The following FUT8 variants were observed in gnomAD, a reference collection of about 807,000 sequenced individuals.
The protein encoded by FUT8 is fucosyltransferase 8.
A neutral mutation model predicts 71.3 loss-of-function variants in FUT8; 29 were observed. That is an observed-to-expected ratio of 0.41 (90% CI 0.30 to 0.55). The LOEUF is 0.55. FUT8 is among the 20% of genes least tolerant of loss of function. FUT8 has a pLI of 0.34. For synonymous variants in FUT8, 254 were observed against 239.3 expected, an observed-to-expected ratio of 1.06 and a Z score of -0.57; for missense variants, 544 against 702.1, an observed-to-expected ratio of 0.77 and a Z score of 2.55.
intron 10 of FUT8, among the ~76,000 whole-genome samples, chr14:65,737,733 G>A (rs774596141): frequency 1.3e-5 from 2 of 152,072 alleles, no homozygotes; most frequent in Non-Finnish European, 2.9e-5. Flanking sequence ...ATGTTACTCT[G>A]TAGTTTCAGC....
intron 3 of FUT8, among the ~76,000 whole-genome samples, chr14:65,612,427 C>A (rs1368703007): frequency 6.6e-6 from 1 of 152,154 alleles, no homozygotes; most frequent in African/African-American, 2.4e-5. Flanking sequence ...CTGTTTCTAC[C>A]TAATCTGTAT....
intron 3 of FUT8, among the ~76,000 whole-genome samples, chr14:65,569,387 A>G (rs1476917108): frequency 2.6e-5 from 4 of 151,564 alleles, no homozygotes; most frequent in Admixed American, 6.6e-5. Flanking sequence ...ACATGGCTTT[A>G]TGTGTCTTTC....
chr14:65,554,641 T>C (rs1285953582), intron 2 of FUT8, among the ~76,000 whole-genome samples: 1 of 151,980 alleles, frequency 6.6e-6, no homozygotes, highest in Non-Finnish European at 1.5e-5. Flanking sequence ...GTTGGATTTG[T>C]TTTTTTGTTG....
intron 2 of FUT8, among the ~76,000 whole-genome samples, chr14:65,547,923 C>T (rs1885065747): frequency 6.6e-6 from 1 of 151,890 alleles, no homozygotes; most frequent in Non-Finnish European, 1.5e-5. Flanking sequence ...CATGGTGTCC[C>T]TGCCCTGTTC....
chr14:65,724,076 G>A, intron 8 of FUT8, 71 bp from the exon 9 acceptor site: 2 of 1,125,050 alleles, frequency 1.8e-6, no homozygotes, highest in African/African-American at 1.6e-5. Flanking sequence ...CATAAGTAGG[G>A]GTATAAATTG....
At chr14:65,364,874 C>G in the FUT8 span, among the ~76,000 whole-genome samples, 1 of 152,132 alleles carries the variant, frequency 6.6e-6, no homozygotes, top group African/African-American at 2.4e-5. Flanking sequence ...TCACATCATT[C>G]CTGGGCCACA....
At chr14:65,714,329 T>C (rs971683163) in intron 7 of FUT8, among the ~76,000 whole-genome samples, 3 of 152,190 alleles carry the variant, frequency 2.0e-5, no homozygotes, top group East Asian at 1.9e-4. Flanking sequence ...CATAGTATAA[T>C]TTGAAGTCAG....
intron 3 of FUT8, among the ~76,000 whole-genome samples, chr14:65,608,063 C>CAA (rs35942953): frequency 0.19 from 20,373 of 108,194 alleles, 2,308 homozygotes; most frequent in East Asian, 0.35. Context: ...GACTCCGTCT[C>CAA]AAAAAAAAAA....
chr14:65,653,351 G>A (rs371135199), intron 6 of FUT8, among the ~76,000 whole-genome samples: 15 of 152,218 alleles, frequency 9.9e-5, no homozygotes, highest in African/African-American at 3.4e-4. Flanking sequence ...CTGACTGAAG[G>A]ATGCAAGCAC....
rs117242366 is a variant in FUT8 at position 65,585,475 on chromosome 14, C to T, written c.203+23709C>T. Among the ~76,000 whole-genome samples the T allele has an allele frequency of 6.2e-3, 949 of 152,298 alleles. 11 individuals are homozygous for T. Among genetic ancestry groups the T allele is most frequent in the East Asian group, 0.035 (184 of 5,190 alleles). The stretch of plus-strand genomic sequence containing the variant: ...GTTTTGGGATTACAGGTGTGAGTCA[C>T]TGCACCCAGCTGGAATGATTGATTT... On this transcript the variant is annotated intron_variant, in intron 3 of 10. Transcript: ENST00000673929.
chr14:65,523,447 T>C (rs551717219), intron 2 of FUT8, among the ~76,000 whole-genome samples: 9 of 152,346 alleles, frequency 5.9e-5, no homozygotes, highest in Admixed American at 3.3e-4. Context: ...TAAATTTGTT[T>C]AAGTTCTTTG....
intron 9 of FUT8, among the ~76,000 whole-genome samples, chr14:65,726,972 C>T (rs749809076): frequency 2.3e-4 from 35 of 152,172 alleles, no homozygotes; most frequent in Non-Finnish European, 4.3e-4. Context: ...GTGGGGCAGT[C>T]GAATGTTAAA....
chr14:65,364,735 A>G, the FUT8 span, among the ~76,000 whole-genome samples: 2 of 152,202 alleles, frequency 1.3e-5, no homozygotes, highest in Non-Finnish European at 2.9e-5. Context: ...TGACAGGACC[A>G]CACACATTTC....
the FUT8 span, among the ~76,000 whole-genome samples, chr14:65,403,225 C>G: frequency 1.3e-5 from 2 of 152,120 alleles, no homozygotes; most frequent in Non-Finnish European, 2.9e-5. Context: ...TTATTTAATA[C>G]TAACAACAAC....
At chr14:65,690,629 ATCTCTCTC>A (rs58811272) in intron 7 of FUT8, among the ~76,000 whole-genome samples, 2 of 144,806 alleles carry the variant, frequency 1.4e-5, no homozygotes, top group African/African-American at 5.1e-5. Flanking sequence ...TCATCCCTTT[ATCTCTCTC>A]TCTCTCTCTC....
At chr14:65,567,141 G>T (rs758658515) in intron 3 of FUT8, among the ~76,000 whole-genome samples, 10 of 151,916 alleles carry the variant, frequency 6.6e-5, no homozygotes, top group Non-Finnish European at 8.8e-5. Context: ...AAATTCAAAT[G>T]TGGCTTTTGG....
At position 65,692,972 on chromosome 14, in the gene FUT8, C is replaced by T. The variant is rs548677105; in HGVS notation, c.835+23492C>T. Among the ~76,000 whole-genome samples the T allele has an allele frequency of 4.9e-4, 75 of 152,140 alleles. 2 individuals are homozygous for T. Among genetic ancestry groups the T allele is most frequent in the South Asian group, 1.2e-3 (6 of 4,822 alleles). On this transcript the variant is annotated intron_variant, in intron 7 of 10. Coordinates refer to ENST00000673929, the MANE Select transcript of FUT8 (RefSeq NM_001371533.1). ...ATGGTGGCCGGGAAGAGGCGCTCCT[C>T]GCTTCCTAGATGGGATGGCGGCCGG...
Position 65,677,164 on chromosome 14 carries a change from GCGCGCGCA to G in FUT8, c.835+7687_835+7694del, listed in dbSNP as rs1555383304. On this transcript the variant is annotated intron_variant, in intron 7 of 10. Transcript: ENST00000673929. ...TGTGTGTGTGTGTGCGCGCGCGCAT[GCGCGCGCA>G]CGTATGTGTGTGCGCATGTGTGTTT... Among the ~76,000 whole-genome samples the G allele has an allele frequency of 1.0e-2, 1,230 of 123,114 alleles. 9 individuals carry two copies. The highest frequency in any genetic ancestry group is 0.013 in the Admixed American group (169 of 12,792). 80.8% of individuals were successfully genotyped at this position (123,114 alleles called of 152,430 possible).
At chr14:65,518,723 C>T (rs541790770) in intron 2 of FUT8, among the ~76,000 whole-genome samples, 20 of 152,080 alleles carry the variant, frequency 1.3e-4, no homozygotes, top group Admixed American at 9.8e-4. Context: ...GATGGTGTTT[C>T]GCCATGGGCC....
Sources: gnomAD v4.1 joint callset for allele counts (sites outside exome capture counted in the v4.1 genomes callset) on GRCh38, gnomAD v4.1.1 for gene constraint, MANE v1.5 for transcripts, NCBI Gene and HGNC (gene_info 2026-07-23, HGNC 2026-07-21) for gene names.